The following MYO16 variants were observed in gnomAD, a reference collection of about 807,000 sequenced individuals.
MYO16 encodes myosin XVI.
MYO16 carries 94 observed loss-of-function variants against 205.3 expected under a neutral mutation model. That is an observed-to-expected ratio of 0.46 (90% CI 0.39 to 0.54). The LOEUF is 0.54. Ranked by LOEUF, MYO16 falls within the 20% of genes least tolerant of loss-of-function variation. The pLI is 0.00. For synonymous variants in MYO16, 988 were observed against 954.0 expected (o/e 1.04, Z -0.66); for missense variants, 2,315 against 2,387.5 (o/e 0.97, Z 0.63).
At chr13:108,863,776 T>C (rs1878570899) in intron 11 of MYO16, among the ~76,000 whole-genome samples, 1 of 152,166 alleles carries the variant, frequency 6.6e-6, no homozygotes, top group Non-Finnish European at 1.5e-5. Flanking sequence ...TGTACATCAA[T>C]GTTGGGAAGA....
chr13:109,116,274 C>G (rs1875677061), intron 28 of MYO16, among the ~76,000 whole-genome samples: 1 of 152,092 alleles, frequency 6.6e-6, no homozygotes, highest in Non-Finnish European at 1.5e-5. Context: ...AATCCGAAGC[C>G]CAGAAGCCCC....
chr13:108,945,871 C>A (rs901908992), intron 16 of MYO16, among the ~76,000 whole-genome samples: 3 of 152,082 alleles, frequency 2.0e-5, no homozygotes, highest in Admixed American at 2.0e-4. Flanking sequence ...TCATTAAAAT[C>A]TCAATTTTAA....
At chr13:109,030,398 A>C (rs538748518) in intron 23 of MYO16, among the ~76,000 whole-genome samples, 60 of 152,304 alleles carry the variant, frequency 3.9e-4, no homozygotes, top group African/African-American at 1.3e-3. Flanking sequence ...TCCAATCTTC[A>C]CATATATTCT....
At chr13:108,562,886 C>A in the MYO16 span, among the ~76,000 whole-genome samples, 1 of 152,034 alleles carries the variant, frequency 6.6e-6, no homozygotes, top group Non-Finnish European at 1.5e-5. Context: ...CAGAATGTAT[C>A]CTCATTGTTA....
chr13:108,981,359 A>G (rs1371533263), intron 20 of MYO16, among the ~76,000 whole-genome samples: 2 of 152,238 alleles, frequency 1.3e-5, no homozygotes, highest in African/African-American at 4.8e-5. Flanking sequence ...AAACTGCAAA[A>G]AAGTGATCCC....
intron 4 of MYO16, among the ~76,000 whole-genome samples, chr13:108,747,027 C>T (rs1259265124): frequency 6.6e-6 from 1 of 152,114 alleles, no homozygotes. Context: ...AAAAGAAACA[C>T]TGCCAACATA....
At chr13:108,748,121 C>G (rs1220579538) in intron 4 of MYO16, among the ~76,000 whole-genome samples, 1 of 151,908 alleles carries the variant, frequency 6.6e-6, no homozygotes, top group Non-Finnish European at 1.5e-5. Flanking sequence ...TAAAACAGAC[C>G]TTAAAAATTT....
At chr13:108,643,649 G>A (rs978706836) in intron 1 of MYO16, among the ~76,000 whole-genome samples, 2 of 152,140 alleles carry the variant, frequency 1.3e-5, no homozygotes, top group African/African-American at 4.8e-5. Context: ...TTTTATTGTT[G>A]AGTAGGATTC....
chr13:108,738,241 A>G (rs112280479), intron 4 of MYO16, among the ~76,000 whole-genome samples: 15 of 152,078 alleles, frequency 9.9e-5, no homozygotes, highest in African/African-American at 3.1e-4. Flanking sequence ...TGTCAATTTT[A>G]GATCTTTCCT....
intron 4 of MYO16, among the ~76,000 whole-genome samples, chr13:108,781,183 A>G (rs980696532): frequency 6.6e-6 from 1 of 152,240 alleles, no homozygotes; most frequent in Non-Finnish European, 1.5e-5. Flanking sequence ...AGGATTCTCT[A>G]CCACTGATAA....
chr13:108,718,027 G>T (rs61969541), intron 3 of MYO16, among the ~76,000 whole-genome samples: 7,135 of 152,220 alleles, frequency 0.047, 241 homozygotes, highest in Non-Finnish European at 0.069. Flanking sequence ...CCAAAACCGA[G>T]CTGCTCTTTG....
At chr13:108,637,373 T>C (rs752498823) in intron 1 of MYO16, among the ~76,000 whole-genome samples, 2 of 152,244 alleles carry the variant, frequency 1.3e-5, no homozygotes, top group Non-Finnish European at 2.9e-5. Flanking sequence ...TTCCTTATGC[T>C]TTCAATGGTT....
At chr13:108,757,592 TA>T (rs1280786035) in intron 4 of MYO16, among the ~76,000 whole-genome samples, 14 of 152,124 alleles carry the variant, frequency 9.2e-5, no homozygotes, top group African/African-American at 3.1e-4. Context: ...ACTCGTCATT[TA>T]ACATTAGGTA....
intron 8 of MYO16, among the ~76,000 whole-genome samples, chr13:108,821,551 G>T (rs374250734): frequency 1.3e-5 from 2 of 152,000 alleles, no homozygotes; most frequent in African/African-American, 4.8e-5. Context: ...TCACATCCTC[G>T]GCTAACTCTA....
the MYO16 span, among the ~76,000 whole-genome samples, chr13:108,574,669 TTGTGTGTGTGTGTG>T: frequency 4.4e-5 from 6 of 136,586 alleles, no homozygotes; most frequent in South Asian, 7.3e-4. Context: ...CAATAACAAT[TTGTGTGTGTGTGTG>T]TGTGTGTGTG....
chr13:108,636,373 G>GTT (rs1880249569), intron 1 of MYO16, among the ~76,000 whole-genome samples: 1 of 117,772 alleles, frequency 8.5e-6, no homozygotes. Flanking sequence ...TTTTTTTTGT[G>GTT]TGTGTGTGTG....
chr13:108,588,101 TC>T, the MYO16 span, among the ~76,000 whole-genome samples: 2 of 152,196 alleles, frequency 1.3e-5, no homozygotes, highest in African/African-American at 4.8e-5. Flanking sequence ...AAATATTTTT[TC>T]CGAGCTTTTT....
At chr13:108,503,526 G>C in the MYO16 span, among the ~76,000 whole-genome samples, 2 of 152,000 alleles carry the variant, frequency 1.3e-5, no homozygotes, top group Non-Finnish European at 2.9e-5. Context: ...AATTCATTTA[G>C]CTCTTTGAAG....
At chr13:108,532,336 A>T in the MYO16 span, among the ~76,000 whole-genome samples, 1 of 152,070 alleles carries the variant, frequency 6.6e-6, no homozygotes, top group African/African-American at 2.4e-5. Flanking sequence ...GGGTAACAGT[A>T]TTAACAACAT....
Sources: allele counts gnomAD v4.1 joint callset (sites outside exome capture counted in the v4.1 genomes callset), GRCh38; gene constraint gnomAD v4.1.1; transcripts MANE v1.5; gene names NCBI Gene and HGNC (gene_info 2026-07-23, HGNC 2026-07-21).